Variants in CRX observed in about 807,000 individuals in gnomAD.
The protein encoded by CRX is cone-rod homeobox protein.
CRX carries 5 observed loss-of-function variants against 13.1 expected under a neutral mutation model. That is an observed-to-expected ratio of 0.38 (90% confidence interval 0.20 to 0.80). The LOEUF (loss-of-function observed/expected upper bound fraction) is 0.80. Ranked by LOEUF, CRX falls within the 30% of genes least tolerant of loss-of-function variation. The pLI is 0.43. For missense variants in CRX, 351 were observed against 391.8 expected, an observed-to-expected ratio of 0.90 and a Z score of 0.88; for synonymous variants, 179 against 171.1, an observed-to-expected ratio of 1.05 and a Z score of -0.36.
intron 1 of CRX, among the ~76,000 whole-genome samples, chr19:47,833,252 TTTG>T (rs2123737175): frequency 2.7e-5 from 4 of 145,540 alleles, no homozygotes; most frequent in Admixed American, 6.9e-5. Context: ...CTGTCGTTTT[TTTG>T]TTTGTTTTTG....
At position 47,839,191 on chromosome 19, in the gene CRX, CT is replaced by C; in HGVS notation, c.253-128del. ...GGATGGGTGAATAGACGCCCCACAG[CT>C]GGATGCAAAGTAGACAGATGTGAAC... is the stretch of plus-strand genomic sequence containing the variant. On this transcript the variant is annotated intron_variant, in intron 3 of 3. Coordinates refer to ENST00000221996, the MANE Select transcript of CRX (RefSeq NM_000554.6). The surrounding 1 kb of genome is among the most constrained non-coding windows in gnomAD (Gnocchi z 4.6). 1 of 998,168 alleles carries C rather than the reference CT, an allele frequency of 1.0e-6. No homozygotes were observed. The highest frequency in any genetic ancestry group is 1.5e-6 in the Non-Finnish European group (1 of 674,712). 61.8% of individuals were successfully genotyped at this position (998,168 alleles called of 1,614,324 possible). A position where few individuals can be genotyped will look rare whatever the true frequency, so the allele number is the denominator to read the frequency against.
intron 1 of CRX, among the ~76,000 whole-genome samples, chr19:47,828,927 CA>C: frequency 7.4e-6 from 1 of 135,980 alleles, no homozygotes; most frequent in East Asian, 1.9e-4. Flanking sequence ...CACACACACA[CA>C]CACACACACA....
rs142111462 is a variant in CRX at position 47,839,632 on chromosome 19, G to C, written c.565G>C (p.Ala189Pro). Reference protein sequence around the residue: ...LVASGPSLTSAPYAMTYAPAS... With the variant: ...LVASGPSLTSPPYAMTYAPAS... Reference sequence around the variant, plus strand: ...GGCCTCAGGGCCGTCTCTGACCTCCGCCCCCTATGCCATGACCTACGCCCC... The same window carrying C: ...GGCCTCAGGGCCGTCTCTGACCTCCCCCCCCTATGCCATGACCTACGCCCC... The change falls in exon 4 of 4, where the codon GCC (alanine) becomes CCC (proline). Residue 189 changes from alanine (A) to proline (P), a missense_variant. Ala to Pro is a conservative substitution (Grantham distance 27). Coordinates refer to ENST00000221996, the MANE Select transcript of CRX (RefSeq NM_000554.6). This position sits in a 1 kb window ranked among gnomAD's most constrained non-coding sequence, Gnocchi z 4.6. 6.8e-6 allele frequency: 11 copies of C among 1,612,862 alleles called. No homozygotes were observed. In the African/African-American group the frequency reaches 9.3e-5, roughly 14 times the overall value.
At chr19:47,830,457 C>T (rs1210487053) in intron 1 of CRX, among the ~76,000 whole-genome samples, 1 of 152,048 alleles carries the variant, frequency 6.6e-6, no homozygotes, top group Non-Finnish European at 1.5e-5. Flanking sequence ...AATCCCAGCA[C>T]TTTGGGAGGC....
chr19:47,834,644 C>A, intron 2 of CRX, 101 bp downstream of exon 2: 1 of 855,556 alleles, frequency 1.2e-6, no homozygotes, highest in South Asian at 1.4e-5. Flanking sequence ...ACAGGGGCGA[C>A]TTCAGGGCCA....
chr19:47,826,306 C>G (rs1229198416), intron 1 of CRX, among the ~76,000 whole-genome samples: 2 of 150,280 alleles, frequency 1.3e-5, no homozygotes, highest in Non-Finnish European at 3.0e-5. Flanking sequence ...AAGATGTTCT[C>G]TAAACTGTAA....
At chr19:47,836,477 G>T (rs564156969) in intron 3 of CRX, 83 bp downstream of exon 3, 3 of 1,574,234 alleles carry the variant, frequency 1.9e-6, no homozygotes, top group African/African-American at 2.7e-5. Flanking sequence ...GATGGGAGGA[G>T]GGAGAGATCA....
intron 2 of CRX, among the ~76,000 whole-genome samples, chr19:47,835,949 C>T (rs748885921): frequency 1.6e-4 from 25 of 151,770 alleles, no homozygotes; most frequent in African/African-American, 2.4e-4. Context: ...AGGCTAGAAA[C>T]GGTTGAATGT....
In CRX at chr19:47,840,847, G is replaced by A. The variant is rs1968187888; in HGVS notation, c.*880G>A. ...TCCTGCCTCAATCTCCCAATTAGCT[G>A]GGATTACAGGTGTGCTCCATCATGC... On this transcript the variant is annotated 3_prime_UTR_variant, in exon 4 of 4. Transcript: ENST00000221996. The A allele has an allele frequency of 6.6e-6, 1 of 151,600 alleles. No individual in the cohort carries two copies. The highest frequency in any genetic ancestry group is 1.5e-5 in the Non-Finnish European group (1 of 67,992). 9.4% of individuals were successfully genotyped at this position (151,600 alleles called of 1,614,324 possible).
chr19:47,839,248 C>T lies in CRX; in HGVS notation c.253-72C>T. The T allele has an allele frequency of 3.3e-6, 5 of 1,516,328 alleles. No homozygotes were observed. Among genetic ancestry groups the T allele is most frequent in the Non-Finnish European group, 4.5e-6 (5 of 1,119,338 alleles). The allele number at this position is 1,516,328 out of a possible 1,614,324, so 93.9% of individuals were successfully genotyped here. On this transcript the variant is annotated intron_variant, in intron 3 of 3. Transcript: ENST00000221996. This position sits in a 1 kb window ranked among gnomAD's most constrained non-coding sequence, Gnocchi z 4.6. ...ACCTCTCACCAATAAGTGTCCTCAT[C>T]CCCGGGCACCCTGCGGCTCTCCTGG...
intron 1 of CRX, 107 bp from the exon 2 acceptor site, chr19:47,834,302 G>T (rs1404554982): frequency 1.4e-6 from 1 of 726,516 alleles, no homozygotes; most frequent in South Asian, 1.5e-5. Context: ...AATGGCCAAG[G>T]TCACATACCT....
At chr19:47,822,473 G>A (rs117155555) in intron 1 of CRX, among the ~76,000 whole-genome samples, 1,632 of 152,308 alleles carry the variant, frequency 0.011, 21 homozygotes, top group Middle Eastern at 0.02. Context: ...AGTGCCCAGC[G>A]TGTGGTTGGG....
intron 3 of CRX, among the ~76,000 whole-genome samples, chr19:47,838,309 A>G (rs1327125833): frequency 6.6e-6 from 1 of 152,144 alleles, no homozygotes; most frequent in Non-Finnish European, 1.5e-5. Flanking sequence ...GCATACATGC[A>G]TGATTGGATG....
At chr19:47,835,229 T>TA (rs201793910) in intron 2 of CRX, among the ~76,000 whole-genome samples, 1,254 of 116,696 alleles carry the variant, frequency 0.011, 17 homozygotes, top group African/African-American at 0.03. Context: ...TTATTATTAT[T>TA]TTTTTTTTTG....
At chr19:47,831,286 G>T (rs547079068) in intron 1 of CRX, among the ~76,000 whole-genome samples, 3 of 122,152 alleles carry the variant, frequency 2.5e-5, no homozygotes, top group African/African-American at 9.5e-5. Context: ...TAGCCTGGGC[G>T]ACAGAGCAAG....
chr19:47,837,719 T>C (rs1968135364), intron 3 of CRX, among the ~76,000 whole-genome samples: 1 of 152,108 alleles, frequency 6.6e-6, no homozygotes, highest in African/African-American at 2.4e-5. Context: ...GTATGATGTA[T>C]GTGTGTATGA....
chr19:47,839,994 C>T lies in CRX; in HGVS notation c.*27C>T, dbSNP rs375168206. ...GGACGCAGTCTCCATCTCTCTCCAT[C>T]GGGCCTCGGGACCCTTTCTCTTCTG... On this transcript the variant is annotated 3_prime_UTR_variant, in exon 4 of 4. Transcript: ENST00000221996. This position sits in a 1 kb window ranked among gnomAD's most constrained non-coding sequence, Gnocchi z 4.6. The T allele has an allele frequency of 2.3e-5, 37 of 1,609,852 alleles. No individual in the cohort carries two copies. The African/African-American group carries it at 3.1e-4, about 13-fold the overall frequency.
At chr19:47,838,784 C>T (rs1207425006) in intron 3 of CRX, among the ~76,000 whole-genome samples, 4 of 142,292 alleles carry the variant, frequency 2.8e-5, no homozygotes, top group South Asian at 2.3e-4. Flanking sequence ...TGGGTAAATG[C>T]AGGCATGATG....
At chr19:47,831,046 C>T (rs1193321393) in intron 1 of CRX, among the ~76,000 whole-genome samples, 15 of 151,912 alleles carry the variant, frequency 9.9e-5, no homozygotes, top group East Asian at 1.9e-4. Context: ...TAGTGGCTGA[C>T]GCCTGTAATC....
Sources: gnomAD v4.1 joint callset for allele counts (sites outside exome capture counted in the v4.1 genomes callset) on GRCh38, gnomAD v4.1.1 for gene constraint, Gnocchi (gnomAD v3.1) non-coding constraint, MANE v1.5 for transcripts, NCBI Gene and HGNC (gene_info 2026-07-23, HGNC 2026-07-21) for gene names.